GRAMD1C: variants seen among roughly 807,000 people sequenced by gnomAD.
GRAMD1C encodes GRAM domain containing 1C.
A neutral mutation model predicts 97.8 loss-of-function variants in GRAMD1C; 89 were observed. The ratio of observed to expected loss-of-function variants is 0.91; its 90% CI spans 0.77 to 1.09. GRAMD1C has a LOEUF of 1.09. Among genes scored for constraint, GRAMD1C ranks in the 50% least tolerant of loss-of-function variants. GRAMD1C has a pLI of 0.00. For missense variants in GRAMD1C, 740 were observed against 766.4 expected (o/e 0.97, Z 0.41); for synonymous variants, 256 against 267.0 (o/e 0.96, Z 0.40).
rs139265297 is a variant in GRAMD1C at position 113,892,589 on chromosome 3, G to A, written c.541-8442G>A. ...ATAAGTCATCCATGTTTAGACGTGA[G>A]TTTAAACTGTCACTCTGTCACTACA... is the stretch of plus-strand genomic sequence containing the variant. On this transcript the variant is annotated intron_variant, in intron 6 of 17. Transcript: ENST00000358160. Among the ~76,000 whole-genome samples the A allele has an allele frequency of 2.0e-5, 3 of 152,330 alleles. No homozygotes were observed. The East Asian group carries it at 5.8e-4, about 29-fold the overall frequency.
intron 17 of GRAMD1C, among the ~76,000 whole-genome samples, chr3:113,942,777 G>T (rs1218095119): frequency 1.3e-5 from 2 of 152,152 alleles, no homozygotes; most frequent in Non-Finnish European, 2.9e-5. Context: ...TTCTGCCTAG[G>T]TAGTAGGAAA....
Position 113,881,347 on chromosome 3 carries a change from C to T in GRAMD1C, c.460-1405C>T, listed in dbSNP as rs890062753. On this transcript the variant is annotated intron_variant, in intron 5 of 17. Coordinates refer to ENST00000358160, the MANE Select transcript of GRAMD1C (RefSeq NM_017577.5). ...TAATTTTTGTATTTTTAGTAGAGAT[C>T]GGGTATCACCATGTTGGCCAGGCTG... 9.9e-5 allele frequency among the ~76,000 whole-genome samples: 15 copies of T among 152,080 alleles called. 1 individual carries two copies. Among genetic ancestry groups the T allele is most frequent in the African/African-American group, 3.4e-4 (14 of 41,492 alleles).
In GRAMD1C at chr3:113,936,313, GAC is replaced by G; in HGVS notation, c.1505_1506del (p.Asp502AlafsTer23). Reference protein sequence around the residue: ...EESVLNQAIEDPGKLTGLRRR... With the variant: ...EESVLNQAIEXPGKLTGLRRR... Reference sequence around the variant, plus strand: ...ATCTGTATTAAATCAGGCCATTGAAGACCCTGGAAAACTTACTGGCCTACGAA... The same window carrying G: ...ATCTGTATTAAATCAGGCCATTGAAGCCTGGAAAACTTACTGGCCTACGAA... On this transcript the variant is annotated frameshift_variant, in exon 14 of 18. Transcript: ENST00000358160. LOFTEE classifies it high-confidence loss of function. The G allele has an allele frequency of 6.2e-7, 1 of 1,606,752 alleles. No individual in the cohort carries two copies. The highest frequency in any genetic ancestry group is 1.3e-5 in the African/African-American group (1 of 74,642).
At position 113,940,246 on chromosome 3, in the gene GRAMD1C, C is replaced by T; in HGVS notation, c.1809C>T (p.Ala603=). 6.3e-7 allele frequency: 1 copy of T among 1,577,708 alleles called. No homozygotes were observed. The highest frequency in any genetic ancestry group is 8.7e-7 in the Non-Finnish European group (1 of 1,147,794). ...GATGGCATTTTTCTTTCAGTTTAGC[C>T]TCTGATATGGTGTCAAGAGCAGAAA... is the stretch of plus-strand genomic sequence containing the variant. The part of the protein sequence containing the change: ...RLQEEKSLNL[A]SDMVSRAETI... Residue 603 remains alanine (A), a synonymous_variant, in exon 17 of 18, where the codon GCC becomes GCT. Transcript: ENST00000358160.
chr3:113,840,123 C>T lies in GRAMD1C; in HGVS notation c.27+1187C>T, dbSNP rs145505577. Reference sequence around the variant, plus strand: ...CTGGAACTACAGGCGCCCGCCACCACGCCCGGCTAATTTTTTGTGTTTTTA... The same window carrying T: ...CTGGAACTACAGGCGCCCGCCACCATGCCCGGCTAATTTTTTGTGTTTTTA... On this transcript the variant is annotated intron_variant, in intron 1 of 17. Transcript: ENST00000358160. 1.1e-3 allele frequency among the ~76,000 whole-genome samples: 160 copies of T among 152,232 alleles called. 2 individuals are homozygous for T. The highest frequency in any genetic ancestry group is 3.7e-3 in the African/African-American group (154 of 41,542).
At chr3:113,839,701 C>G (rs1372246016) in intron 1 of GRAMD1C, among the ~76,000 whole-genome samples, 1 of 152,146 alleles carries the variant, frequency 6.6e-6, no homozygotes, top group Non-Finnish European at 1.5e-5. Flanking sequence ...TCAGTTATGT[C>G]CCTGGCACTG....
intron 1 of GRAMD1C, among the ~76,000 whole-genome samples, chr3:113,843,049 GTT>G (rs71144092): frequency 4.3e-4 from 23 of 53,416 alleles, no homozygotes; most frequent in African/African-American, 1.4e-3. Context: ...ACCATAAGCT[GTT>G]TTTTTTTTTT....
chr3:113,934,755 T>G (rs984743774), intron 13 of GRAMD1C, among the ~76,000 whole-genome samples: 8 of 152,128 alleles, frequency 5.3e-5, no homozygotes, highest in African/African-American at 1.9e-4. Context: ...TATTTTTTAT[T>G]TTTTTTGAGA....
At chr3:113,903,537 CT>C (rs539459555) in intron 7 of GRAMD1C, among the ~76,000 whole-genome samples, 1 of 152,058 alleles carries the variant, frequency 6.6e-6, no homozygotes, top group South Asian at 2.1e-4. Flanking sequence ...GTTTTCCTTT[CT>C]TTTTGCTCCT....
At chr3:113,944,938 T>C (rs991612192) in intron 17 of GRAMD1C, among the ~76,000 whole-genome samples, 2 of 152,228 alleles carry the variant, frequency 1.3e-5, no homozygotes, top group African/African-American at 4.8e-5. Flanking sequence ...GTAGTAAGGA[T>C]AATGCTTTGG....
intron 1 of GRAMD1C, among the ~76,000 whole-genome samples, chr3:113,833,696 G>GT (rs1709593447): frequency 6.6e-6 from 1 of 152,128 alleles, no homozygotes; most frequent in African/African-American, 2.4e-5. Flanking sequence ...TGGTACCAGG[G>GT]TAAGTTAAAA....
In GRAMD1C at chr3:113,838,866, T is replaced by TGCGGTGCGCGCGGG; in HGVS notation, c.-36_-23dup. 5 of 1,221,616 alleles carry TGCGGTGCGCGCGGG rather than the reference T, an allele frequency of 4.1e-6. No homozygotes were observed. The highest frequency in any genetic ancestry group is 5.1e-6 in the Non-Finnish European group (5 of 978,526). The allele number at this position is 1,221,616 out of a possible 1,614,324, so 75.7% of individuals were successfully genotyped here. Reference sequence around the variant, plus strand: ...TGGAGGTGGGCGCGGGGCGGTGCGGTGCGGTGCGCGCGGGGCGGTGCCGCG... The same window carrying TGCGGTGCGCGCGGG: ...TGGAGGTGGGCGCGGGGCGGTGCGGTGCGGTGCGCGCGGGGCGGTGCGCGCGGGGCGGTGCCGCG... On this transcript the variant is annotated 5_prime_UTR_variant, in exon 1 of 18. Transcript: ENST00000358160.
intron 10 of GRAMD1C, chr3:113,919,183 A>G (rs1418111626): frequency 3.2e-6 from 1 of 309,410 alleles, no homozygotes; most frequent in Non-Finnish European, 6.3e-6. Context: ...CCTGAGTGAA[A>G]AGGAGTAAAG....
intron 13 of GRAMD1C, among the ~76,000 whole-genome samples, chr3:113,935,796 A>G (rs1309601968): frequency 6.6e-6 from 1 of 152,186 alleles, no homozygotes; most frequent in East Asian, 1.9e-4. Context: ...GTTTGAAACA[A>G]ATGACAAAAA....
rs1256379817 is a variant in GRAMD1C, at chr3:113,901,136, G to A, written c.646G>A (p.Val216Met). ...MENLSLSIED[V>M]QPRSPGRSSL... ...AAACTTGTCACTGTCGATTGAGGAT[G>A]TGCAGCCAAGGTACAGCAAAATGTT... is the stretch of plus-strand genomic sequence containing the variant. The change falls in exon 7 of 18, where the codon GTG becomes ATG. Residue 216 changes from valine to methionine, a missense_variant. Coordinates refer to ENST00000358160, the MANE Select transcript of GRAMD1C (RefSeq NM_017577.5). 2 of 1,549,732 alleles carry A rather than the reference G, an allele frequency of 1.3e-6. No individual in the cohort carries two copies. Among genetic ancestry groups the A allele is most frequent in the Non-Finnish European group, 1.8e-6 (2 of 1,121,794 alleles).
intron 6 of GRAMD1C, 107 bp from the exon 7 acceptor site, chr3:113,900,924 G>A (rs1936145046): frequency 1.6e-6 from 1 of 616,826 alleles, no homozygotes; most frequent in South Asian, 2.1e-5. Flanking sequence ...CCCATATCTA[G>A]TCTTTGCACA....
intron 2 of GRAMD1C, among the ~76,000 whole-genome samples, chr3:113,861,987 AT>A (rs1934394969): frequency 6.6e-6 from 1 of 152,104 alleles, no homozygotes; most frequent in Admixed American, 6.6e-5. Flanking sequence ...TTTATTAGTG[AT>A]TTTCAAAAGG....
chr3:113,879,830 A>C (rs534397975), intron 5 of GRAMD1C, among the ~76,000 whole-genome samples: 2 of 151,598 alleles, frequency 1.3e-5, no homozygotes, highest in South Asian at 4.2e-4. Context: ...AGTAGCTCAG[A>C]TTACAGGTGC....
chr3:113,917,952 C>G (rs1355730833), intron 10 of GRAMD1C, among the ~76,000 whole-genome samples: 1 of 145,430 alleles, frequency 6.9e-6, no homozygotes, highest in Non-Finnish European at 1.5e-5. Context: ...ATCCACCTGC[C>G]TTGGCCTCCC....
Sources: gnomAD v4.1 joint callset for allele counts (sites outside exome capture counted in the v4.1 genomes callset) on GRCh38, gnomAD v4.1.1 for gene constraint, MANE v1.5 for transcripts, NCBI Gene and HGNC (gene_info 2026-07-23, HGNC 2026-07-21) for gene names.